Variants in UBN2 observed in about 807,000 individuals in gnomAD.
UBN2 encodes the protein ubinuclein 2.
UBN2 carries 35 observed loss-of-function variants against 120.2 expected under a neutral mutation model. The ratio of observed to expected loss-of-function variants is 0.29; its 90% confidence interval spans 0.22 to 0.39. The LOEUF (loss-of-function observed/expected upper bound fraction) is 0.39. UBN2 is among the 10% of genes least tolerant of loss of function. UBN2 has a pLI of 1.00. For missense variants in UBN2, 1,693 were observed against 1,663.2 expected (o/e 1.02, Z -0.31); for synonymous variants, 661 against 648.7 (o/e 1.02, Z -0.29).
At chr7:139,313,316 T>C in the UBN2 span, among the ~76,000 whole-genome samples, 1 of 152,178 alleles carries the variant, frequency 6.6e-6, no homozygotes, top group African/African-American at 2.4e-5. Flanking sequence ...TCTATGAAGG[T>C]CTTGTTTATA....
chr7:139,315,501 CT>C, the UBN2 span: 1 of 152,140 alleles, frequency 6.6e-6, no homozygotes, highest in Admixed American at 6.5e-5. Context: ...CAAATAATAT[CT>C]CATTGTATGG....
intron 11 of UBN2, among the ~76,000 whole-genome samples, chr7:139,275,294 A>AT (rs1797409112): frequency 6.6e-6 from 1 of 150,492 alleles, no homozygotes; most frequent in East Asian, 2.0e-4. Flanking sequence ...AAAAAAAAAA[A>AT]AAAAAGTCGC....
At chr7:139,279,434 T>G in intron 13 of UBN2, 74 bp downstream of exon 13, 1 of 1,234,196 alleles carries the variant, frequency 8.1e-7, no homozygotes. Flanking sequence ...ATGAAAAAGA[T>G]GTATGGTATT....
intron 13 of UBN2, among the ~76,000 whole-genome samples, chr7:139,279,582 A>G (rs555278732): frequency 1.3e-5 from 2 of 152,340 alleles, no homozygotes; most frequent in East Asian, 3.9e-4. Flanking sequence ...AACTTTATTA[A>G]TACTTGGAAA....
chr7:139,328,294 G>A, the UBN2 span, among the ~76,000 whole-genome samples: 2 of 152,294 alleles, frequency 1.3e-5, no homozygotes, highest in South Asian at 4.1e-4. Context: ...GAGTGGAGGG[G>A]AAAGTGCCAC....
chr7:139,313,351 C>A, the UBN2 span, among the ~76,000 whole-genome samples: 2 of 152,036 alleles, frequency 1.3e-5, no homozygotes, highest in Admixed American at 1.3e-4. Context: ...TATTTTATAG[C>A]TGTTGCTTCC....
rs1796007620 is a variant in UBN2 at position 139,231,511 on chromosome 7, C to T, written c.27C>T (p.Phe9=). Residue 9 remains phenylalanine, a synonymous_variant, in exon 1 of 18, where the codon TTC becomes TTT. Transcript: ENST00000473989. MAEPRRVA[F]ISLSPVRRRE... is the part of the protein sequence containing the mutation. ...TGGCGGAGCCGCGCAGAGTAGCGTT[C>T]ATTAGCTTGTCACCGGTGCGGCGGC... The T allele has an allele frequency of 2.8e-6, 4 of 1,417,070 alleles. No individual in the cohort carries two copies. The highest frequency in any genetic ancestry group is 3.7e-6 in the Non-Finnish European group (4 of 1,077,838). 87.8% of individuals were successfully genotyped at this position (1,417,070 alleles called of 1,614,324 possible). A position where few individuals can be genotyped will look rare whatever the true frequency, so the allele number is the denominator to read the frequency against.
rs1281169884 is a variant in UBN2, at chr7:139,263,340, G to A, written c.1395+1599G>A. Among the ~76,000 whole-genome samples, 4 of 152,096 alleles carry A rather than the reference G, an allele frequency of 2.6e-5. 1 individual carries two copies. Among genetic ancestry groups the A allele is most frequent in the South Asian group, 2.1e-4 (1 of 4,818 alleles). ...GCATACCAAGGATACAAAGTTAAGT[G>A]AATTATAGCCCTACCCTCAAGGAGC... On this transcript the variant is annotated intron_variant, in intron 6 of 17. Transcript: ENST00000473989.
At chr7:139,241,585 G>A (rs1183328853) in intron 2 of UBN2, among the ~76,000 whole-genome samples, 1 of 152,160 alleles carries the variant, frequency 6.6e-6, no homozygotes, top group African/African-American at 2.4e-5. Context: ...AAGTAATTCT[G>A]AGCAGTCTTA....
chr7:139,295,532 C>T (rs962015300), intron 17 of UBN2, among the ~76,000 whole-genome samples: 3 of 152,140 alleles, frequency 2.0e-5, no homozygotes, highest in Admixed American at 6.5e-5. Flanking sequence ...CGCTCTTACA[C>T]GAACTATCAA....
At position 139,283,567 on chromosome 7, in the gene UBN2, C is replaced by T. The variant is rs535696835; in HGVS notation, c.2662C>T (p.His888Tyr). The T allele has an allele frequency of 1.9e-6, 3 of 1,614,180 alleles. No homozygotes were observed. Among genetic ancestry groups the T allele is most frequent in the South Asian group, 2.2e-5 (2 of 91,070 alleles). ...QQGLQRSSQI[H>Y]TSSSSQTHVS... ...AGGACTTCAGAGGTCAAGCCAGATTCACACTTCTTCCTCTTCACAGACCCA... is the reference window on the plus strand; with the variant it reads ...AGGACTTCAGAGGTCAAGCCAGATTTACACTTCTTCCTCTTCACAGACCCA... Residue 888 changes from histidine (H) to tyrosine (Y), a missense_variant, in exon 15 of 18, where the codon CAC (histidine) becomes TAC (tyrosine). Coordinates refer to ENST00000473989, the MANE Select transcript of UBN2 (RefSeq NM_173569.4).
rs549231605 is a variant in UBN2, at chr7:139,302,231, A to G, written c.*4395A>G. On this transcript the variant is annotated 3_prime_UTR_variant, in exon 18 of 18. Coordinates refer to ENST00000473989, the MANE Select transcript of UBN2 (RefSeq NM_173569.4). ...GTGTAACCCTCTTCCTTTGCTTTCT[A>G]TGTATATGGATATATGTGTAAGATA... 5 of 152,142 alleles carry G rather than the reference A, an allele frequency of 3.3e-5. No individual in the cohort carries two copies. The allele number at this position is 152,142 out of a possible 1,614,324, so 9.4% of individuals were successfully genotyped here. A position where few individuals can be genotyped will look rare whatever the true frequency, so the allele number is the denominator to read the frequency against.
chr7:139,308,598 G>A (rs1798403909), downstream of UBN2, among the ~76,000 whole-genome samples: 1 of 152,142 alleles, frequency 6.6e-6, no homozygotes, highest in Admixed American at 6.5e-5. Flanking sequence ...CAGGAAGGTG[G>A]AGCATTTGCT....
downstream of UBN2, among the ~76,000 whole-genome samples, chr7:139,312,280 TA>T (rs1457747642): frequency 6.6e-6 from 1 of 152,206 alleles, no homozygotes; most frequent in Non-Finnish European, 1.5e-5. Context: ...TATACAATTT[TA>T]ATTCATACCA....
In UBN2 at chr7:139,281,733, A is replaced by G. The variant is rs768010281; in HGVS notation, c.2068-272A>G. On this transcript the variant is annotated intron_variant, in intron 13 of 17. Transcript: ENST00000473989. The stretch of plus-strand genomic sequence containing the variant: ...CAGTTTTATACTAGTAATACTTCCA[A>G]TATTGGGATACATTTCCTACCCTTT... 3.3e-5 allele frequency among the ~76,000 whole-genome samples: 5 copies of G among 152,214 alleles called. 1 individual carries two copies. Among genetic ancestry groups the G allele is most frequent in the African/African-American group, 9.6e-5 (4 of 41,456 alleles).
chr7:139,269,644 A>G (rs1797202782), intron 8 of UBN2, 121 bp downstream of exon 8: 4 of 1,051,188 alleles, frequency 3.8e-6, no homozygotes, highest in East Asian at 5.4e-5. Flanking sequence ...TTTAATAACC[A>G]TAGGAGGTTA....
intron 15 of UBN2, among the ~76,000 whole-genome samples, chr7:139,285,850 C>T (rs1232947409): frequency 6.6e-6 from 1 of 152,128 alleles, no homozygotes; most frequent in South Asian, 2.1e-4. Flanking sequence ...TCAGGAGATT[C>T]TCCTGCCTTA....
At chr7:139,268,267 C>T (rs1797157191) in intron 7 of UBN2, among the ~76,000 whole-genome samples, 1 of 152,218 alleles carries the variant, frequency 6.6e-6, no homozygotes, top group African/African-American at 2.4e-5. Context: ...CCTCCAGTTT[C>T]ACAAGTACTA....
the UBN2 span, among the ~76,000 whole-genome samples, chr7:139,314,225 G>C: frequency 1.0e-4 from 15 of 150,280 alleles, no homozygotes; most frequent in Non-Finnish European, 2.1e-4. Flanking sequence ...GGGAGGCCAA[G>C]GCAGGCGGAT....
Sources: allele counts gnomAD v4.1 joint callset (sites outside exome capture counted in the v4.1 genomes callset), GRCh38; gene constraint gnomAD v4.1.1; transcripts MANE v1.5; gene names NCBI Gene and HGNC (gene_info 2026-07-23, HGNC 2026-07-21).